Variants in SLC29A3 observed in about 807,000 individuals in gnomAD.
SLC29A3 encodes equilibrative nucleoside transporter 3.
SLC29A3 carries 18 observed loss-of-function variants against 25.4 expected under a neutral mutation model. The observed-to-expected ratio is 0.71, with a 90% CI of 0.49 to 1.05. SLC29A3 has a LOEUF of 1.05. Ranked by LOEUF, SLC29A3 falls within the 50% of genes least tolerant of loss-of-function variation. SLC29A3 has a pLI of 0.00. For synonymous variants in SLC29A3, 258 were observed against 267.1 expected, an observed-to-expected ratio of 0.97 and a Z score of 0.33; for missense variants, 586 against 609.0, an observed-to-expected ratio of 0.96 and a Z score of 0.40.
intron 2 of SLC29A3, among the ~76,000 whole-genome samples, chr10:71,337,768 G>T (rs1846290788): frequency 6.6e-6 from 1 of 152,214 alleles, no homozygotes; most frequent in Admixed American, 6.5e-5. Flanking sequence ...TCTTTACCTG[G>T]ACTCTGAGCC....
intron 2 of SLC29A3, among the ~76,000 whole-genome samples, chr10:71,338,630 G>A (rs560168113): frequency 5.9e-5 from 9 of 152,210 alleles, no homozygotes; most frequent in Middle Eastern, 3.4e-3. Flanking sequence ...GGTATTGTAC[G>A]CCTGTAATCC....
chr10:71,351,609 C>G lies in SLC29A3; in HGVS notation c.431C>G (p.Ala144Gly), dbSNP rs751289697. ...RVLASLTVIL[A>G]IFMVITALVK... Reference sequence around the variant, plus strand: ...CTGGCCTCACTGACGGTCATCCTGGCCATCTTCATGGTGATAACTGCACTG... The same window carrying G: ...CTGGCCTCACTGACGGTCATCCTGGGCATCTTCATGGTGATAACTGCACTG... Residue 144 changes from alanine (A) to glycine (G), a missense_variant, in exon 4 of 6, where the codon GCC becomes GGC. Physicochemically the swap from Ala to Gly is moderately conservative, Grantham distance 60 (BLOSUM62 0). Coordinates refer to ENST00000373189, the MANE Select transcript of SLC29A3 (RefSeq NM_018344.6). 2 of 1,614,126 alleles carry G rather than the reference C, an allele frequency of 1.2e-6. No individual in the cohort carries two copies. The highest frequency in any genetic ancestry group is 1.7e-6 in the Non-Finnish European group (2 of 1,180,054).
chr10:71,371,607 T>C (rs1847211426), intron 3 of SLC29A3, among the ~76,000 whole-genome samples: 1 of 152,214 alleles, frequency 6.6e-6, no homozygotes, highest in South Asian at 2.1e-4. Flanking sequence ...CAGAGCACAG[T>C]GCTTAAGAGC....
chr10:71,348,903 A>G (rs1166644826), intron 3 of SLC29A3, among the ~76,000 whole-genome samples: 2 of 152,236 alleles, frequency 1.3e-5, no homozygotes. Flanking sequence ...GGCAGTCAGC[A>G]GAGGATGCCT....
chr10:71,361,778 C>T (rs577017222), intron 5 of SLC29A3, among the ~76,000 whole-genome samples, 176 bp from the exon 6 acceptor site: 1 of 152,316 alleles, frequency 6.6e-6, no homozygotes, highest in South Asian at 2.1e-4. Context: ...CGCAGGCCTT[C>T]CCCTGGCCAC....
intron 3 of SLC29A3, 82 bp from the exon 4 acceptor site, chr10:71,351,480 T>C (rs1019029960): frequency 9.5e-6 from 12 of 1,265,230 alleles, no homozygotes; most frequent in Non-Finnish European, 1.4e-5. Context: ...GCTCGCCTGC[T>C]TCCCTTAAGG....
rs186766966 is a variant in SLC29A3 at position 71,337,372 on chromosome 10, C to T, written c.301-6837C>T. Among the ~76,000 whole-genome samples, 41 of 152,348 alleles carry T rather than the reference C, an allele frequency of 2.7e-4. No individual in the cohort carries two copies. The East Asian group carries it at 5.4e-3, about 20-fold the overall frequency. On this transcript the variant is annotated intron_variant, in intron 2 of 5. Coordinates refer to ENST00000373189, the MANE Select transcript of SLC29A3 (RefSeq NM_018344.6). ...GCACCTCCCCTGCAATATCCCAGGC[C>T]GCAGAACTCAGCTATCCGAAAGCGG...
chr10:71,326,369 G>A (rs1047925821), intron 2 of SLC29A3, among the ~76,000 whole-genome samples: 2 of 152,376 alleles, frequency 1.3e-5, no homozygotes, highest in African/African-American at 4.8e-5. Context: ...CACTATTATT[G>A]TGATGATCAT....
chr10:71,322,734 G>C, intron 1 of SLC29A3, 22 bp from the exon 2 acceptor site: 1 of 1,613,850 alleles, frequency 6.2e-7, no homozygotes, highest in Non-Finnish European at 8.5e-7. Context: ...CCCTGTCTCT[G>C]TTGCCCTCCT....
chr10:71,324,690 C>A (rs1845925730), intron 2 of SLC29A3, among the ~76,000 whole-genome samples: 1 of 152,068 alleles, frequency 6.6e-6, no homozygotes, highest in Non-Finnish European at 1.5e-5. Flanking sequence ...TGGCTAGGGA[C>A]CTGAGTATGT....
At chr10:71,345,694 G>A (rs895948316) in intron 3 of SLC29A3, among the ~76,000 whole-genome samples, 6 of 152,238 alleles carry the variant, frequency 3.9e-5, no homozygotes, top group Non-Finnish European at 7.3e-5. Context: ...TAGGGCCATA[G>A]TCAGTGTCCT....
chr10:71,343,617 G>A (rs1846473500), intron 2 of SLC29A3, among the ~76,000 whole-genome samples: 1 of 152,104 alleles, frequency 6.6e-6, no homozygotes, highest in Non-Finnish European at 1.5e-5. Context: ...ATATCTAAGA[G>A]GTCACTTTGT....
chr10:71,346,762 A>G (rs907295590), intron 3 of SLC29A3, among the ~76,000 whole-genome samples: 1 of 152,126 alleles, frequency 6.6e-6, no homozygotes, highest in Non-Finnish European at 1.5e-5. Flanking sequence ...TGAGCCACCT[A>G]CATCCTAGTT....
chr10:71,343,629 G>T (rs1846474179), intron 2 of SLC29A3, among the ~76,000 whole-genome samples: 1 of 152,138 alleles, frequency 6.6e-6, no homozygotes, highest in South Asian at 2.1e-4. Context: ...TCACTTTGTG[G>T]CAAGAAAGCG....
At chr10:71,325,785 T>C (rs1711899539) in intron 2 of SLC29A3, among the ~76,000 whole-genome samples, 2 of 152,200 alleles carry the variant, frequency 1.3e-5, no homozygotes, top group South Asian at 2.1e-4. Context: ...TCGAGGCCAA[T>C]TGAGACAGGG....
chr10:71,331,491 G>A lies in SLC29A3; in HGVS notation c.300+8437G>A, dbSNP rs76663774. On this transcript the variant is annotated intron_variant, in intron 2 of 5. Coordinates refer to ENST00000373189, the MANE Select transcript of SLC29A3 (RefSeq NM_018344.6). The stretch of plus-strand genomic sequence containing the variant: ...AATGATCCAGCAGAGAAGGAAAAAC[G>A]CATGATGAAGAAGAGGGAGCATAGC... Among the ~76,000 whole-genome samples the A allele has an allele frequency of 1.6e-3, 243 of 152,268 alleles. 5 individuals are homozygous for A. The East Asian group carries it at 0.041, about 26-fold the overall frequency.
At chr10:71,367,127 G>A (rs1847176858), downstream of SLC29A3, among the ~76,000 whole-genome samples, 1 of 152,170 alleles carries the variant, frequency 6.6e-6, no homozygotes, top group Non-Finnish European at 1.5e-5. Flanking sequence ...TCAAAGAAGT[G>A]GAGGAGGCAT....
chr10:71,334,866 G>A (rs555856912), intron 2 of SLC29A3, among the ~76,000 whole-genome samples: 2 of 152,178 alleles, frequency 1.3e-5, no homozygotes, highest in African/African-American at 2.4e-5. Context: ...CCAGGCTCTA[G>A]GTTAGCCAAT....
Position 71,362,715 on chromosome 10 carries a change from A to G in SLC29A3, c.*107A>G. On this transcript the variant is annotated 3_prime_UTR_variant, in exon 6 of 6. Transcript: ENST00000373189. ...AAGGCCTAAAGTTTCACTTGGGGAC[A>G]GAGAGCAGAGCACACTCGGGCCTCA... 6.9e-7 allele frequency: 1 copy of G among 1,457,240 alleles called. No homozygotes were observed. The highest frequency in any genetic ancestry group is 1.4e-5 in the African/African-American group (1 of 72,208). The allele number at this position is 1,457,240 out of a possible 1,614,324, so 90.3% of individuals were successfully genotyped here. A position where few individuals can be genotyped will look rare whatever the true frequency, so the allele number is the denominator to read the frequency against.
Sources: allele counts gnomAD v4.1 joint callset (sites outside exome capture counted in the v4.1 genomes callset), GRCh38; gene constraint gnomAD v4.1.1; transcripts MANE v1.5; gene names NCBI Gene and HGNC (gene_info 2026-07-23, HGNC 2026-07-21).